The following NOL11 variants were observed in gnomAD, a reference collection of about 807,000 sequenced individuals.
NOL11 encodes nucleolar protein 11.
Under a neutral mutation model 93.0 loss-of-function variants are expected in NOL11, and 42 were observed. The ratio of observed to expected loss-of-function variants is 0.45; its 90% CI spans 0.35 to 0.58. NOL11 has a LOEUF of 0.58. Among genes scored for constraint, NOL11 ranks in the 20% least tolerant of loss-of-function variants. The pLI is 0.00. For missense variants in NOL11, 775 were observed against 841.8 expected (o/e 0.92, Z 0.98); for synonymous variants, 296 against 293.7 (o/e 1.01, Z -0.08).
chr17:67,722,682 TA>T (rs5821454), intron 5 of NOL11, 45 bp downstream of exon 5: 1,040,621 of 1,293,656 alleles, frequency 0.8, 408,281 homozygotes, highest in Non-Finnish European at 0.82. Flanking sequence ...GAAATTTCTT[TA>T]AAAAAAAAAA....
At position 67,717,936 on chromosome 17, in the gene NOL11, G is replaced by C; in HGVS notation, c.-12G>C. On this transcript the variant is annotated 5_prime_UTR_variant, in exon 1 of 18. Transcript: ENST00000253247. The stretch of plus-strand genomic sequence containing the variant: ...CCGGGAGTGAGCGCGGCCGTACTTA[G>C]GTTTGCTCAAAATGGCAGCGCTGGA... 1.9e-6 allele frequency: 3 copies of C among 1,614,002 alleles called. No individual in the cohort carries two copies. Among genetic ancestry groups the C allele is most frequent in the Non-Finnish European group, 1.7e-6 (2 of 1,179,924 alleles).
At chr17:67,724,855 G>A (rs1009845971) in intron 6 of NOL11, among the ~76,000 whole-genome samples, 3 of 152,034 alleles carry the variant, frequency 2.0e-5, no homozygotes, top group Non-Finnish European at 1.5e-5. Context: ...TCAGGAGATC[G>A]AGACCATCCT....
In NOL11 at chr17:67,736,606, T is replaced by C; in HGVS notation, c.1055-60T>C. ...TTTTTTTAAATTGTTCTTTGATTGT[T>C]TAGTTGGGCAAAAAGTAAGTCAAAA... On this transcript the variant is annotated intron_variant, in intron 9 of 17. Transcript: ENST00000253247. 7 of 1,066,864 alleles carry C rather than the reference T, an allele frequency of 6.6e-6. 1 individual carries two copies. In the South Asian group the frequency reaches 9.8e-5, roughly 15 times the overall value. 66.1% of individuals were successfully genotyped at this position (1,066,864 alleles called of 1,614,324 possible).
In NOL11 at chr17:67,738,137, T is replaced by C. The variant is rs1178154710; in HGVS notation, c.1545T>C (p.Ser515=). ...LKIFLSIGDD[S]LQETDVNMES... is the part of the protein sequence containing the mutation. ...ACCATCATAGCATTGGTGATGACAGTCTTCAAGAAACAGATGTTAATATGG... is the reference window on the plus strand; with the variant it reads ...ACCATCATAGCATTGGTGATGACAGCCTTCAAGAAACAGATGTTAATATGG... Residue 515 remains serine (S), a synonymous_variant, in exon 14 of 18, where the codon AGT becomes AGC. Coordinates refer to ENST00000253247, the MANE Select transcript of NOL11 (RefSeq NM_015462.5). 1 of 1,609,488 alleles carries C rather than the reference T, an allele frequency of 6.2e-7. No homozygotes were observed. The highest frequency in any genetic ancestry group is 8.5e-7 in the Non-Finnish European group (1 of 1,176,708).
chr17:67,735,392 TCA>T lies in NOL11; in HGVS notation c.931-504_931-503del, dbSNP rs1456042672. On this transcript the variant is annotated intron_variant, in intron 8 of 17. Coordinates refer to ENST00000253247, the MANE Select transcript of NOL11 (RefSeq NM_015462.5). Reference sequence around the variant, plus strand: ...TCACAATTTTTTATTGTGAATAAACTCACACTTTTTTATTACAACTTATTATT... The same window carrying T: ...TCACAATTTTTTATTGTGAATAAACTCACTTTTTTATTACAACTTATTATT... Among the ~76,000 whole-genome samples, 7 of 148,284 alleles carry T rather than the reference TCA, an allele frequency of 4.7e-5. 1 individual carries two copies. Among genetic ancestry groups the T allele is most frequent in the South Asian group, 4.1e-4 (2 of 4,834 alleles).
In NOL11 at chr17:67,721,413, A is replaced by T; in HGVS notation, c.348A>T (p.Gln116His). The change falls in exon 4 of 18, where the codon CAA (glutamine) becomes CAT (histidine). Residue 116 changes from glutamine to histidine, a missense_variant. Gln to His is a conservative substitution (Grantham distance 24, BLOSUM62 0). Coordinates refer to ENST00000253247, the MANE Select transcript of NOL11 (RefSeq NM_015462.5). ...SAEVYRILSV[Q>H]GTEPLVLFKE... The stretch of plus-strand genomic sequence containing the variant: ...AAGTATATAGGATACTTTCAGTGCA[A>T]GGGACAGAACCCTTGGTGCTCTTCA... 6.2e-7 allele frequency: 1 copy of T among 1,610,380 alleles called. No individual in the cohort carries two copies. The highest frequency in any genetic ancestry group is 8.5e-7 in the Non-Finnish European group (1 of 1,178,764).
chr17:67,730,667 A>C (rs1280934270), intron 7 of NOL11, among the ~76,000 whole-genome samples: 1 of 152,236 alleles, frequency 6.6e-6, no homozygotes, highest in African/African-American at 2.4e-5. Context: ...ATGGGTACAT[A>C]ACAGGTGTAT....
chr17:67,737,269 C>CT, intron 11 of NOL11, 124 bp downstream of exon 11: 1 of 712,760 alleles, frequency 1.4e-6, no homozygotes, highest in Non-Finnish European at 2.4e-6. Flanking sequence ...CTTGTAGTAT[C>CT]TTAAGGGTGT....
chr17:67,734,311 A>G (rs2055181315), intron 7 of NOL11, 52 bp from the exon 8 acceptor site: 2 of 1,005,746 alleles, frequency 2.0e-6, no homozygotes, highest in East Asian at 4.8e-5. Context: ...TCCCCAAAAT[A>G]TCATATATTT....
chr17:67,718,392 C>T (rs1306554233), intron 1 of NOL11, among the ~76,000 whole-genome samples: 6 of 152,090 alleles, frequency 3.9e-5, no homozygotes, highest in Non-Finnish European at 8.8e-5. Context: ...AGATTCCCTC[C>T]TAGGGTCTTT....
chr17:67,729,961 C>G lies in NOL11; in HGVS notation c.853+3313C>G, dbSNP rs549475855. Among the ~76,000 whole-genome samples the G allele has an allele frequency of 5.3e-4, 80 of 151,732 alleles. 1 individual carries two copies. The South Asian group carries it at 0.016, about 30-fold the overall frequency. On this transcript the variant is annotated intron_variant, in intron 7 of 17. Transcript: ENST00000253247. ...TTTTTATATTTAGTTTTTAGTAGCT[C>G]TGAGGTCTTGCTACGAGCTCCTCCT...
chr17:67,723,398 TTTTTTTTTTG>T (rs2055054019), intron 5 of NOL11, among the ~76,000 whole-genome samples: 1 of 110,738 alleles, frequency 9.0e-6, no homozygotes, highest in African/African-American at 4.1e-5. Context: ...TTTTTTTTTT[TTTTTTTTTTG>T]AGACGATTCT....
intron 7 of NOL11, among the ~76,000 whole-genome samples, chr17:67,728,252 T>TC (rs1201940294): frequency 2.0e-5 from 3 of 152,158 alleles, no homozygotes; most frequent in African/African-American, 7.2e-5. Context: ...AGAGCAAGAC[T>TC]CCGTCTCAGA....
chr17:67,739,427 G>T (rs367732036), intron 15 of NOL11, 89 bp from the exon 16 acceptor site: 3 of 736,054 alleles, frequency 4.1e-6, no homozygotes, highest in South Asian at 1.9e-5. Flanking sequence ...TGTATAAATT[G>T]AACATTTTTT....
intron 10 of NOL11, 86 bp downstream of exon 10, chr17:67,736,840 A>G: frequency 9.5e-7 from 1 of 1,049,748 alleles, no homozygotes; most frequent in Non-Finnish European, 1.4e-6. Context: ...TCATATCCTT[A>G]CAACTCTTAG....
intron 1 of NOL11, 169 bp from the exon 2 acceptor site, chr17:67,719,505 C>G: frequency 2.3e-6 from 1 of 443,408 alleles, no homozygotes; most frequent in East Asian, 4.3e-5. Context: ...GTGATTTGCC[C>G]ACCTTGACCT....
In NOL11 at chr17:67,736,165, G is replaced by T. The variant is rs966171198; in HGVS notation, c.1054+142G>T. Reference sequence around the variant, plus strand: ...GCTGTTTATTGAAACTTGTGAACAGGCCAGGCACGGTGTCTCACCCCTGTA... The same window carrying T: ...GCTGTTTATTGAAACTTGTGAACAGTCCAGGCACGGTGTCTCACCCCTGTA... On this transcript the variant is annotated intron_variant, in intron 9 of 17. Transcript: ENST00000253247. The T allele has an allele frequency of 6.6e-6, 5 of 755,950 alleles. No individual in the cohort carries two copies. In the African/African-American group the frequency reaches 9.0e-5, roughly 14 times the overall value. The allele number at this position is 755,950 out of a possible 1,614,324, so 46.8% of individuals were successfully genotyped here.
intron 16 of NOL11, among the ~76,000 whole-genome samples, chr17:67,741,316 C>A (rs931192595): frequency 6.6e-6 from 1 of 152,058 alleles, no homozygotes; most frequent in Non-Finnish European, 1.5e-5. Flanking sequence ...GTGATCTACC[C>A]ATCTCAGCCT....
intron 11 of NOL11, 37 bp downstream of exon 11, chr17:67,737,182 C>T (rs376686905): frequency 2.3e-6 from 3 of 1,278,440 alleles, no homozygotes; most frequent in African/African-American, 2.9e-5. Context: ...AAATCAAACT[C>T]AAGTGTTCCA....
Sources: gnomAD v4.1 joint callset for allele counts (sites outside exome capture counted in the v4.1 genomes callset) on GRCh38, gnomAD v4.1.1 for gene constraint, MANE v1.5 for transcripts, NCBI Gene and HGNC (gene_info 2026-07-23, HGNC 2026-07-21) for gene names.